IGSF10: variants seen among roughly 807,000 people sequenced by gnomAD.
IGSF10 encodes the protein calvaria mechanical force protein 608.
A neutral mutation model predicts 128.2 loss-of-function variants in IGSF10; 126 were observed. That is an observed-to-expected ratio of 0.98 (90% CI 0.85 to 1.14). The LOEUF (loss-of-function observed/expected upper bound fraction) is 1.14, where lower values mean the gene tolerates loss of function less well. Among genes scored for constraint, IGSF10 ranks in the 50% most tolerant of loss-of-function variants. IGSF10 has a pLI of 0.00. For missense variants in IGSF10, 3,295 were observed against 3,149.8 expected, an observed-to-expected ratio of 1.05 and a Z score of -1.10; for synonymous variants, 1,185 against 1,146.2, an observed-to-expected ratio of 1.03 and a Z score of -0.68.
chr3:151,619,674 T>C, the IGSF10 span, among the ~76,000 whole-genome samples: 1 of 152,158 alleles, frequency 6.6e-6, no homozygotes, highest in East Asian at 1.9e-4. Context: ...AAAAGCTTAT[T>C]TGTTAGAGGC....
chr3:151,518,551 TTAATGCAG>T, the IGSF10 span, among the ~76,000 whole-genome samples: 41 of 152,046 alleles, frequency 2.7e-4, no homozygotes, highest in African/African-American at 8.9e-4. Context: ...AACAATTGCT[TTAATGCAG>T]TAATGCAGTA....
the IGSF10 span, among the ~76,000 whole-genome samples, chr3:151,610,439 A>C: frequency 6.6e-6 from 1 of 152,202 alleles, no homozygotes; most frequent in Admixed American, 6.5e-5. Flanking sequence ...AAATTAATTG[A>C]TACAAAATGA....
chr3:151,522,719 C>A, the IGSF10 span, among the ~76,000 whole-genome samples: 1 of 152,134 alleles, frequency 6.6e-6, no homozygotes, highest in African/African-American at 2.4e-5. Context: ...GACAAACCCA[C>A]AGTCAACATT....
chr3:151,601,958 A>G, the IGSF10 span, among the ~76,000 whole-genome samples: 1 of 152,160 alleles, frequency 6.6e-6, no homozygotes. Context: ...TTTTTGGGAA[A>G]TCTGAGATGT....
chr3:151,584,015 A>G, the IGSF10 span, among the ~76,000 whole-genome samples: 1 of 152,112 alleles, frequency 6.6e-6, no homozygotes. Flanking sequence ...AATTTTCTGG[A>G]TGCTTGTTTT....
chr3:151,536,940 C>A, the IGSF10 span, among the ~76,000 whole-genome samples: 1 of 152,128 alleles, frequency 6.6e-6, no homozygotes, highest in Non-Finnish European at 1.5e-5. Flanking sequence ...ATTGAAAGAA[C>A]TATTATTCTA....
the IGSF10 span, among the ~76,000 whole-genome samples, chr3:151,472,743 A>G: frequency 6.6e-6 from 1 of 152,182 alleles, no homozygotes; most frequent in Non-Finnish European, 1.5e-5. Context: ...GCCAAAGTAT[A>G]CTTTTGCCAG....
the IGSF10 span, among the ~76,000 whole-genome samples, chr3:151,552,354 G>A: frequency 6.6e-6 from 1 of 152,146 alleles, no homozygotes; most frequent in Admixed American, 6.6e-5. Flanking sequence ...CCGCATGACA[G>A]CCAATACGTA....
chr3:151,499,605 C>G, the IGSF10 span: 1 of 152,048 alleles, frequency 6.6e-6, no homozygotes, highest in Non-Finnish European at 1.5e-5. Context: ...AGTATTTTAA[C>G]AAAAAATTCT....
chr3:151,561,814 A>T, the IGSF10 span, among the ~76,000 whole-genome samples: 2 of 152,140 alleles, frequency 1.3e-5, no homozygotes, highest in East Asian at 3.9e-4. Flanking sequence ...AGGAGAAATA[A>T]TTTTTTCCTT....
chr3:151,455,618 G>C (rs776618049), intron 4 of IGSF10, among the ~76,000 whole-genome samples: 1 of 152,040 alleles, frequency 6.6e-6, no homozygotes, highest in Non-Finnish European at 1.5e-5. Context: ...ATGTTTTCAA[G>C]ACCTGTCCCT....
chr3:151,592,221 TACACACACAC>T, the IGSF10 span, among the ~76,000 whole-genome samples: 461 of 150,454 alleles, frequency 3.1e-3, 2 homozygotes, highest in African/African-American at 0.011. Context: ...TTGAGATTAA[TACACACACAC>T]ACACACACAC....
the IGSF10 span, among the ~76,000 whole-genome samples, chr3:151,490,482 T>C: frequency 6.8e-6 from 1 of 146,646 alleles, no homozygotes; most frequent in Admixed American, 7.0e-5. Context: ...AAAATTAATA[T>C]GAGAATACTG....
chr3:151,483,830 C>G, the IGSF10 span, among the ~76,000 whole-genome samples: 1 of 152,208 alleles, frequency 6.6e-6, no homozygotes, highest in Non-Finnish European at 1.5e-5. Context: ...CCCTCCAGTT[C>G]CTATGTCCCT....
the IGSF10 span, among the ~76,000 whole-genome samples, chr3:151,487,018 C>T: frequency 2.2e-5 from 1 of 46,442 alleles, no homozygotes; most frequent in Non-Finnish European, 4.3e-5. Context: ...CATGAAATAC[C>T]TTTCAAAAAA....
chr3:151,521,346 A>C, the IGSF10 span, among the ~76,000 whole-genome samples: 4 of 152,018 alleles, frequency 2.6e-5, no homozygotes, highest in Admixed American at 2.6e-4. Flanking sequence ...CCTGAACTCA[A>C]CATTGGGCCA....
chr3:151,498,932 G>T, the IGSF10 span, among the ~76,000 whole-genome samples: 19 of 152,044 alleles, frequency 1.2e-4, no homozygotes, highest in Admixed American at 1.2e-3. Flanking sequence ...GGACATTTTG[G>T]CTCATATTGC....
the IGSF10 span, among the ~76,000 whole-genome samples, chr3:151,616,999 G>A: frequency 1.3e-5 from 2 of 152,144 alleles, no homozygotes; most frequent in African/African-American, 2.4e-5. Flanking sequence ...AGCCTTTAGG[G>A]CCCAATGCCT....
intron 3 of IGSF10, among the ~76,000 whole-genome samples, chr3:151,458,246 A>T (rs142370534): frequency 1.3e-5 from 2 of 152,234 alleles, no homozygotes; most frequent in East Asian, 1.9e-4. Context: ...TCCAGCAAAA[A>T]TGTAGCCAGA....
Sources: allele counts gnomAD v4.1 joint callset (sites outside exome capture counted in the v4.1 genomes callset), GRCh38; gene constraint gnomAD v4.1.1; transcripts MANE v1.5; gene names NCBI Gene and HGNC (gene_info 2026-07-23, HGNC 2026-07-21).